The following INTS6L variants were observed in gnomAD, a reference collection of about 807,000 sequenced individuals.
INTS6L encodes the protein integrator complex subunit 6 like.
INTS6L carries 18 observed loss-of-function variants against 64.7 expected under a neutral mutation model. The ratio of observed to expected loss-of-function variants is 0.28; its 90% CI spans 0.19 to 0.41. INTS6L has a LOEUF of 0.41. Among genes scored for constraint, INTS6L ranks in the 10% least tolerant of loss-of-function variants. INTS6L has a pLI of 1.00. For missense variants in INTS6L, 533 were observed against 661.0 expected (o/e 0.81, Z 2.12); for synonymous variants, 227 against 235.9 (o/e 0.96, Z 0.34).
chrX:135,533,525 T>A (rs2148580806), intron 2 of INTS6L, among the ~76,000 whole-genome samples: 1 of 111,509 alleles, frequency 9.0e-6, no homozygotes, highest in South Asian at 3.8e-4. Flanking sequence ...ATCCATTAGC[T>A]ATTCTTCCTG....
chrX:135,523,892 T>C (rs946866907), intron 2 of INTS6L, among the ~76,000 whole-genome samples: 9 of 112,176 alleles, frequency 8.0e-5, no homozygotes, highest in Non-Finnish European at 1.3e-4. Context: ...GTCAGATATA[T>C]GGGAAGATAC....
At chrX:135,563,633 G>GTGTGTGTGTATATA (rs1556523326) in intron 9 of INTS6L, among the ~76,000 whole-genome samples, 19 of 10,393 alleles carry the variant, frequency 1.8e-3, no homozygotes, top group African/African-American at 3.5e-3. Flanking sequence ...GTGTGTGTGT[G>GTGTGTGTGTATATA]TATATATATA....
At chrX:135,564,642 CACTT>C (rs2086886051) in intron 9 of INTS6L, among the ~76,000 whole-genome samples, 1 of 108,457 alleles carries the variant, frequency 9.2e-6, no homozygotes, top group Non-Finnish European at 1.9e-5. Context: ...TGAGGCACGA[CACTT>C]ACTTGAACTT....
chrX:135,538,131 A>G (rs782066003), intron 2 of INTS6L, among the ~76,000 whole-genome samples: 1 of 112,425 alleles, frequency 8.9e-6, no homozygotes, highest in Non-Finnish European at 1.9e-5. Flanking sequence ...TCCTTTCAGG[A>G]AAGTTTTCTC....
intron 1 of INTS6L, 39 bp downstream of exon 1, chrX:135,521,142 A>C (rs782538045): frequency 4.2e-6 from 5 of 1,180,824 alleles, no homozygotes; most frequent in Non-Finnish European, 5.7e-6. Flanking sequence ...AGAGCTCCCG[A>C]GGGATTTCAG....
chrX:135,573,985 G>C lies in INTS6L; in HGVS notation c.1664G>C (p.Arg555Thr), dbSNP rs1556529318. 1 of 1,204,831 alleles carries C rather than the reference G, an allele frequency of 8.3e-7. No individual in the cohort carries two copies. The highest frequency in any genetic ancestry group is 2.2e-5 in the Admixed American group (1 of 45,042). ...AGAAATGCTTATGATATTCCCCGTA[G>C]AGGTCTTTTAGACCAGCTGACCAGA... ...TYRNAYDIPRRGLLDQLTRMR... is the reference protein window; with the variant it reads ...TYRNAYDIPRTGLLDQLTRMR... Residue 555 changes from arginine (R) to threonine (T), a missense_variant, in exon 13 of 18, where the codon AGA becomes ACA. By Grantham distance (71) the Arg-to-Thr change is moderately conservative. Coordinates refer to ENST00000639893, the MANE Select transcript of INTS6L (RefSeq NM_001351601.3).
intron 2 of INTS6L, among the ~76,000 whole-genome samples, chrX:135,527,815 CT>C (rs782266270): frequency 1.8e-5 from 2 of 110,738 alleles, no homozygotes; most frequent in East Asian, 5.7e-4. Context: ...TGCTTGAGAG[CT>C]TTTGGCCTTA....
At chrX:135,567,943 G>C (rs1341312474) in intron 9 of INTS6L, among the ~76,000 whole-genome samples, 1 of 111,453 alleles carries the variant, frequency 9.0e-6, no homozygotes, top group Admixed American at 9.5e-5. Flanking sequence ...GATTTTCAAA[G>C]AATAGCCCTA....
chrX:135,567,425 A>G (rs1311348789), intron 9 of INTS6L, among the ~76,000 whole-genome samples: 3 of 111,800 alleles, frequency 2.7e-5, no homozygotes, highest in African/African-American at 9.7e-5. Context: ...AGAGGTAGTG[A>G]CTAAGGCAGT....
intron 2 of INTS6L, among the ~76,000 whole-genome samples, chrX:135,534,371 G>A (rs1556507290): frequency 9.0e-6 from 1 of 110,616 alleles, no homozygotes; most frequent in Non-Finnish European, 1.9e-5. Flanking sequence ...AGTGCAGCAG[G>A]CCACAGACTG....
At chrX:135,552,234 A>G (rs1556517363) in intron 8 of INTS6L, 88 bp downstream of exon 8, 9 of 967,605 alleles carry the variant, frequency 9.3e-6, no homozygotes, top group African/African-American at 3.9e-5. Context: ...TATTCTCAAA[A>G]TAATTGGACT....
chrX:135,527,332 CCAGGCTCTG>C (rs1355400490), intron 2 of INTS6L, among the ~76,000 whole-genome samples: 4 of 112,313 alleles, frequency 3.6e-5, no homozygotes, highest in South Asian at 7.3e-4. Context: ...CTCCTCTGCA[CCAGGCTCTG>C]TTATAGGGGC....
chrX:135,548,047 G>GTATATA (rs5903902), intron 6 of INTS6L, among the ~76,000 whole-genome samples: 1,202 of 101,358 alleles, frequency 0.012, 32 homozygotes, highest in African/African-American at 0.04. Flanking sequence ...ATGTGTAAGT[G>GTATATA]TATATATATA....
At chrX:135,563,572 A>AAT (rs1556523114) in intron 9 of INTS6L, among the ~76,000 whole-genome samples, 2 of 36,619 alleles carry the variant, frequency 5.5e-5, no homozygotes, top group South Asian at 1.9e-3. Context: ...TCATTCCTGA[A>AAT]ATATATATAT....
chrX:135,579,626 A>G (rs1276099835), intron 15 of INTS6L, among the ~76,000 whole-genome samples, 162 bp from the exon 16 acceptor site: 4 of 111,973 alleles, frequency 3.6e-5, no homozygotes, highest in Non-Finnish European at 7.5e-5. Flanking sequence ...GTTTTATTGT[A>G]TTATGTGTCC....
chrX:135,572,157 A>G (rs1254419698), intron 11 of INTS6L: 2 of 112,085 alleles, frequency 1.8e-5, no homozygotes, highest in Non-Finnish European at 3.8e-5. Context: ...TGTATGTAAA[A>G]CACAAAATAT....
chrX:135,573,613 C>A (rs1556529019), intron 12 of INTS6L, among the ~76,000 whole-genome samples: 1 of 112,760 alleles, frequency 8.9e-6, no homozygotes, highest in South Asian at 3.6e-4. Flanking sequence ...GAGATCCCAG[C>A]AGCTCACCTC....
intron 2 of INTS6L, among the ~76,000 whole-genome samples, chrX:135,521,726 C>T (rs1157465815): frequency 2.3e-5 from 2 of 87,502 alleles, no homozygotes; most frequent in African/African-American, 8.4e-5. Context: ...GCGGGCCCGC[C>T]CCTTCGAGGC....
In INTS6L at chrX:135,581,527, G is replaced by T; in HGVS notation, c.2589-1G>T. ...TTCATAAAATTTCTCTTTATTTTCA[G>T]GTTTAAAAGACGAGTCCTAATTCAG... On this transcript the variant is annotated splice_acceptor_variant, in intron 17 of 17. Coordinates refer to ENST00000639893, the MANE Select transcript of INTS6L (RefSeq NM_001351601.3). LOFTEE classifies it high-confidence loss of function. 1 of 1,190,617 alleles carries T rather than the reference G, an allele frequency of 8.4e-7. No individual in the cohort carries two copies. Among genetic ancestry groups the T allele is most frequent in the Non-Finnish European group, 1.1e-6 (1 of 881,847 alleles).
Sources: gnomAD v4.1 joint callset for allele counts (sites outside exome capture counted in the v4.1 genomes callset) on GRCh38, gnomAD v4.1.1 for gene constraint, MANE v1.5 for transcripts, NCBI Gene and HGNC (gene_info 2026-07-23, HGNC 2026-07-21) for gene names.